ROBO2: variants seen among roughly 807,000 people sequenced by gnomAD.
ROBO2 encodes roundabout homolog 2.
A neutral mutation model predicts 160.8 loss-of-function variants in ROBO2; 53 were observed. The ratio of observed to expected loss-of-function variants is 0.33; its 90% confidence interval spans 0.26 to 0.41. The LOEUF (loss-of-function observed/expected upper bound fraction) is 0.41, where lower values mean the gene tolerates loss of function less well. Ranked by LOEUF, ROBO2 falls within the 10% of genes least tolerant of loss-of-function variation. The pLI is 1.00. For synonymous variants in ROBO2, 664 were observed against 611.7 expected, an observed-to-expected ratio of 1.09 and a Z score of -1.26; for missense variants, 1,577 against 1,722.4, an observed-to-expected ratio of 0.92 and a Z score of 1.49.
intron 2 of ROBO2, among the ~76,000 whole-genome samples, chr3:77,166,264 T>TA (rs1329104578): frequency 4.7e-5 from 7 of 150,468 alleles, no homozygotes; most frequent in South Asian, 4.2e-4. Flanking sequence ...TCTCAAAATT[T>TA]AAAAAAAAGA....
chr3:75,941,871 A>G (rs1948070686), intron 2 of ROBO2, among the ~76,000 whole-genome samples: 2 of 152,146 alleles, frequency 1.3e-5, no homozygotes, highest in Admixed American at 1.3e-4. Flanking sequence ...TGAAGACAAT[A>G]TCTTGTGTTT....
intron 2 of ROBO2, among the ~76,000 whole-genome samples, chr3:76,293,351 G>A (rs1212459229): frequency 6.6e-6 from 1 of 152,174 alleles, no homozygotes; most frequent in Non-Finnish European, 1.5e-5. Context: ...AGAGGCACAG[G>A]CAGGGGGCCT....
chr3:76,717,067 G>T lies in ROBO2; in HGVS notation c.110-380947G>T, dbSNP rs142124446. Among the ~76,000 whole-genome samples, 5 of 152,142 alleles carry T rather than the reference G, an allele frequency of 3.3e-5. No individual in the cohort carries two copies. In the East Asian group the frequency reaches 9.6e-4, roughly 29 times the overall value. ...TGTTGATGTGAAGGTGATATCTGGC[G>T]TAAGTTTTGTAGCCACAGAGAAGAC... On this transcript the variant is annotated intron_variant, in intron 2 of 26. Transcript: ENST00000487694.
intron 16 of ROBO2, among the ~76,000 whole-genome samples, chr3:77,584,281 C>T (rs2093987741): frequency 6.6e-6 from 1 of 152,008 alleles, no homozygotes; most frequent in Non-Finnish European, 1.5e-5. Context: ...TGCGGTGCTC[C>T]CTAAGGGAAA....
chr3:76,861,090 C>A (rs1190126404), intron 2 of ROBO2, among the ~76,000 whole-genome samples: 1 of 152,124 alleles, frequency 6.6e-6, no homozygotes, highest in Non-Finnish European at 1.5e-5. Flanking sequence ...CAGTAATAGC[C>A]AATACTGTCA....
chr3:77,634,777 A>G, intron 23 of ROBO2, 93 bp from the exon 25 acceptor site: 2 of 1,181,588 alleles, frequency 1.7e-6, no homozygotes, highest in Non-Finnish European at 2.5e-6. Flanking sequence ...CTCTAGGTAG[A>G]TTTACAGGTT....
At chr3:76,045,036 C>T (rs920780196) in intron 2 of ROBO2, among the ~76,000 whole-genome samples, 2 of 152,052 alleles carry the variant, frequency 1.3e-5, no homozygotes, top group African/African-American at 4.8e-5. Context: ...ACAAACCACA[C>T]ATAAGGTCTT....
chr3:76,783,895 T>C (rs911151469), intron 2 of ROBO2, among the ~76,000 whole-genome samples: 1 of 151,086 alleles, frequency 6.6e-6, no homozygotes, highest in Non-Finnish European at 1.5e-5. Flanking sequence ...ATCATCAGCT[T>C]TCTTTACTCT....
At chr3:77,169,390 A>G (rs2079410365) in intron 2 of ROBO2, among the ~76,000 whole-genome samples, 1 of 152,258 alleles carries the variant, frequency 6.6e-6, no homozygotes, top group South Asian at 2.1e-4. Context: ...TATCTACCAG[A>G]CCACCTCTAA....
chr3:77,054,286 T>G (rs2149712503), intron 1 of ROBO2, among the ~76,000 whole-genome samples: 1 of 152,332 alleles, frequency 6.6e-6, no homozygotes, highest in Non-Finnish European at 1.5e-5. Flanking sequence ...TTAGTTCATT[T>G]TATATGTACT....
rs35804382 is a variant in ROBO2 at position 76,418,682 on chromosome 3, C to CT, written c.109+481094dup. ...TTAAAAATTTTATGTTTCAACCTGC[C>CT]TTTTTTTTTTTTTTAACAAAACCAA... On this transcript the variant is annotated intron_variant, in intron 2 of 26. Transcript: ENST00000487694. 3.8e-3 allele frequency among the ~76,000 whole-genome samples: 531 copies of CT among 137,950 alleles called. 3 individuals are homozygous for CT. The highest frequency in any genetic ancestry group is 8.1e-3 in the African/African-American group (305 of 37,840). The allele number at this position is 137,950 out of a possible 152,430, so 90.5% of individuals were successfully genotyped here.
At chr3:75,933,809 C>T (rs1474085435) in intron 1 of ROBO2, among the ~76,000 whole-genome samples, 1 of 152,172 alleles carries the variant, frequency 6.6e-6, no homozygotes, top group African/African-American at 2.4e-5. Flanking sequence ...CAGAGATGCT[C>T]TGTGATTGAA....
At chr3:76,751,150 T>C (rs1471585440) in intron 2 of ROBO2, among the ~76,000 whole-genome samples, 3 of 151,974 alleles carry the variant, frequency 2.0e-5, no homozygotes, top group African/African-American at 7.3e-5. Flanking sequence ...CACACATCTA[T>C]AACCATCTGA....
At chr3:76,817,220 TAAAAC>T (rs1385056277) in intron 2 of ROBO2, among the ~76,000 whole-genome samples, 1 of 152,044 alleles carries the variant, frequency 6.6e-6, no homozygotes, top group Non-Finnish European at 1.5e-5. Flanking sequence ...AATAAAAAAT[TAAAAC>T]AATAATAATT....
chr3:75,971,534 T>C (rs371077961), intron 2 of ROBO2, among the ~76,000 whole-genome samples: 1 of 151,696 alleles, frequency 6.6e-6, no homozygotes, highest in South Asian at 2.1e-4. Context: ...TTCATCCTAC[T>C]TTGTCAAACT....
At chr3:76,456,869 G>T (rs553355361) in intron 2 of ROBO2, among the ~76,000 whole-genome samples, 1 of 152,144 alleles carries the variant, frequency 6.6e-6, no homozygotes, top group African/African-American at 2.4e-5. Context: ...TGAGAAAGAA[G>T]CAAAGGCAGA....
At chr3:77,107,055 A>G (rs2072900800) in intron 2 of ROBO2, among the ~76,000 whole-genome samples, 1 of 152,206 alleles carries the variant, frequency 6.6e-6, no homozygotes, top group South Asian at 2.1e-4. Flanking sequence ...TTTATTTCTC[A>G]TAGTTCTGGA....
At chr3:76,868,129 A>AAAT (rs1200429094) in intron 2 of ROBO2, among the ~76,000 whole-genome samples, 1 of 152,212 alleles carries the variant, frequency 6.6e-6, no homozygotes, top group Non-Finnish European at 1.5e-5. Context: ...CAGGCATAGT[A>AAAT]AATACATACA....
At chr3:77,382,558 C>A (rs921215907) in intron 2 of ROBO2, among the ~76,000 whole-genome samples, 8 of 152,034 alleles carry the variant, frequency 5.3e-5, no homozygotes, top group Non-Finnish European at 1.2e-4. Flanking sequence ...TTCTCCTTCA[C>A]CCCCTTCCCA....
Sources: gnomAD v4.1 joint callset for allele counts (sites outside exome capture counted in the v4.1 genomes callset) on GRCh38, gnomAD v4.1.1 for gene constraint, MANE v1.5 for transcripts, NCBI Gene and HGNC (gene_info 2026-07-23, HGNC 2026-07-21) for gene names.